TRIM65: variants seen among roughly 807,000 people sequenced by gnomAD.
TRIM65 encodes the protein tripartite motif containing 65.
Under a neutral mutation model 36.1 loss-of-function variants are expected in TRIM65, and 46 were observed. That is an observed-to-expected ratio of 1.27 (90% CI 1.01 to 1.63). The LOEUF (loss-of-function observed/expected upper bound fraction) is 1.63, where lower values mean the gene tolerates loss of function less well. Ranked by LOEUF, TRIM65 falls within the 40% of genes most tolerant of loss-of-function variation. The probability of loss-of-function intolerance (pLI) is 0.00; values close to 1 mark genes in which losing one functional copy is unlikely to be tolerated. For synonymous variants in TRIM65, 346 were observed against 313.6 expected (o/e 1.10, Z -1.09); for missense variants, 708 against 696.6 (o/e 1.02, Z -0.18).
chr17:75,892,459 G>A lies in TRIM65; in HGVS notation c.552C>T (p.Phe184=). 6.2e-7 allele frequency: 1 copy of A among 1,614,086 alleles called. No individual in the cohort carries two copies. Among genetic ancestry groups the A allele is most frequent in the Non-Finnish European group, 8.5e-7 (1 of 1,179,998 alleles). ...CILASWVSGK[F]SSLLQALEIQ... ...TTTCCAGGGCCTGTAGCAGGCTGCT[G>A]AACTTGCCGGAGACCCAGGAGGCCA... The change falls in exon 3 of 6, where the codon TTC becomes TTT. Residue 184 remains phenylalanine, a synonymous_variant. Transcript: ENST00000269383.
At position 75,892,519 on chromosome 17, in the gene TRIM65, G is replaced by A. The variant is rs1235537609; in HGVS notation, c.511-19C>T. On this transcript the variant is annotated intron_variant, in intron 2 of 5. Coordinates refer to ENST00000269383, the MANE Select transcript of TRIM65 (RefSeq NM_173547.4). ...CCGAGTTCTGGGCGGGAACAGGAGG[G>A]GCTTCAGGGTGGCCAGGGCCCTGTG... 1.2e-6 allele frequency: 2 copies of A among 1,606,940 alleles called. No individual in the cohort carries two copies. Among genetic ancestry groups the A allele is most frequent in the Non-Finnish European group, 8.5e-7 (1 of 1,175,104 alleles).
At chr17:75,885,688 T>G (rs1409520532), downstream of TRIM65, among the ~76,000 whole-genome samples, 1 of 152,234 alleles carries the variant, frequency 6.6e-6, no homozygotes, top group Non-Finnish European at 1.5e-5. Flanking sequence ...GCCCTCTGGG[T>G]GCTTCCTGAG....
Position 75,892,819 on chromosome 17 carries a change from T to A in TRIM65, c.446A>T (p.Gln149Leu), listed in dbSNP as rs150994435. 1.7e-4 allele frequency: 265 copies of A among 1,603,856 alleles called. 2 individuals are homozygous for A. The East Asian group carries it at 4.8e-3, about 29-fold the overall frequency. ...GCCTTCGGCCTGGGTGGCCTGCTGCTGGGTAACCTCCAGGCTGGCTCTCAG... is the reference window on the plus strand; with the variant it reads ...GCCTTCGGCCTGGGTGGCCTGCTGCAGGGTAACCTCCAGGCTGGCTCTCAG... ...AQLRASLEVT[Q>L]QQATQAEGQL... is the part of the protein sequence containing the mutation. The change falls in exon 2 of 6, where the codon CAG (glutamine) becomes CTG (leucine). Residue 149 changes from glutamine (Q) to leucine (L), a missense_variant. Gln to Leu is a moderately radical substitution (Grantham distance 113). Transcript: ENST00000269383.
At chr17:75,880,097 C>T (rs1028041895), downstream of TRIM65, among the ~76,000 whole-genome samples, 1 of 150,642 alleles carries the variant, frequency 6.6e-6, no homozygotes, top group Non-Finnish European at 1.5e-5. Context: ...GGTAACTGCT[C>T]ATACCACTCT....
In TRIM65 at chr17:75,890,636, G is replaced by A. The variant is rs905883167; in HGVS notation, c.*143C>T. On this transcript the variant is annotated 3_prime_UTR_variant, in exon 6 of 6. Coordinates refer to ENST00000269383, the MANE Select transcript of TRIM65 (RefSeq NM_173547.4). ...CTGCAACAGTGAACTCTGCGTTTAT[G>A]CTCACCTCCCCCAACCTCCCATCTC... 7.4e-6 allele frequency: 5 copies of A among 680,072 alleles called. No homozygotes were observed. In the African/African-American group the frequency reaches 7.4e-5, roughly 10 times the overall value. 42.1% of individuals were successfully genotyped at this position (680,072 alleles called of 1,614,324 possible).
chr17:75,885,043 TC>T (rs1480193111), downstream of TRIM65, among the ~76,000 whole-genome samples: 2 of 151,780 alleles, frequency 1.3e-5, no homozygotes, highest in African/African-American at 4.8e-5. Context: ...TTAAAGCGAT[TC>T]TTCTGCCTCA....
chr17:75,896,705 G>A lies in TRIM65; in HGVS notation c.233C>T (p.Ala78Val). The A allele has an allele frequency of 2.2e-6, 3 of 1,346,602 alleles. No homozygotes were observed. The highest frequency in any genetic ancestry group is 3.6e-5 in the South Asian group (2 of 55,064). The allele number at this position is 1,346,602 out of a possible 1,614,324, so 83.4% of individuals were successfully genotyped here. ...GVLEVVRAGPARDPGPDPGPG... is the reference protein window; with the variant it reads ...GVLEVVRAGPVRDPGPDPGPG... ...GCCGGGATCGGGGCCGGGATCCCGG[G>A]CGGGCCCGGCGCGCACCACCTCCAG... Residue 78 changes from alanine (A) to valine (V), a missense_variant, in exon 1 of 6, where the codon GCC (alanine) becomes GTC (valine). Transcript: ENST00000269383.
downstream of TRIM65, among the ~76,000 whole-genome samples, chr17:75,888,405 C>T (rs1218118441): frequency 3.3e-5 from 5 of 151,134 alleles, no homozygotes; most frequent in Non-Finnish European, 4.4e-5. Flanking sequence ...ATATAGAACA[C>T]GCTCGCAGAA....
chr17:75,886,859 C>A (rs913075730), downstream of TRIM65, among the ~76,000 whole-genome samples: 1 of 152,120 alleles, frequency 6.6e-6, no homozygotes, highest in Non-Finnish European at 1.5e-5. Flanking sequence ...CCTTTTCCCT[C>A]GATACCAGCG....
chr17:75,884,938 C>CT (rs534194648), downstream of TRIM65, among the ~76,000 whole-genome samples: 26,919 of 135,774 alleles, frequency 0.2, 2,920 homozygotes, highest in African/African-American at 0.26. Context: ...ACTTGAGTTC[C>CT]TTTTTTTTTT....
exon 5 of TRIM65, chr17:75,880,545 A>T (rs2065163027): frequency 6.6e-6 from 1 of 150,478 alleles, no homozygotes; most frequent in Non-Finnish European, 1.5e-5. Flanking sequence ...CACATCTGAA[A>T]ATACTCTATT....
downstream of TRIM65, among the ~76,000 whole-genome samples, chr17:75,887,660 A>G (rs966633279): frequency 2.0e-5 from 3 of 151,668 alleles, no homozygotes; most frequent in Non-Finnish European, 4.4e-5. Flanking sequence ...AAAAAAAAAA[A>G]AAAAGAAAAA....
At chr17:75,895,451 C>T (rs2065332259) in intron 1 of TRIM65, among the ~76,000 whole-genome samples, 1 of 152,162 alleles carries the variant, frequency 6.6e-6, no homozygotes. Context: ...CCCCAGGACC[C>T]TGCCCGATCC....
rs2065359460 is a variant in TRIM65, at chr17:75,896,915, T to C, written c.23A>G (p.Glu8Gly). The change falls in exon 1 of 6, where the codon GAG becomes GGG. Residue 8 changes from glutamate to glycine, a missense_variant. Physicochemically the swap from Glu to Gly is moderately conservative, Grantham distance 98. Transcript: ENST00000269383. ...CAGGCAGATGGCGCAGGTCAGCTTCTCCTCCAGCAGCTGCGCGGCCATGGC... is the reference window on the plus strand; with the variant it reads ...CAGGCAGATGGCGCAGGTCAGCTTCCCCTCCAGCAGCTGCGCGGCCATGGC... MAAQLLE[E>G]KLTCAICLGL... is the part of the protein sequence containing the mutation. 3 of 1,507,368 alleles carry C rather than the reference T, an allele frequency of 2.0e-6. No individual in the cohort carries two copies. Among genetic ancestry groups the C allele is most frequent in the South Asian group, 1.2e-5 (1 of 80,984 alleles). The allele number at this position is 1,507,368 out of a possible 1,614,324, so 93.4% of individuals were successfully genotyped here.
At position 75,892,865 on chromosome 17, in the gene TRIM65, C is replaced by T. The variant is rs1481224456; in HGVS notation, c.415-15G>A. The T allele has an allele frequency of 1.3e-6, 2 of 1,599,420 alleles. No homozygotes were observed. Among genetic ancestry groups the T allele is most frequent in the African/African-American group, 2.7e-5 (2 of 74,926 alleles). On this transcript the variant is annotated splice_polypyrimidine_tract_variant and intron_variant, in intron 1 of 5. Coordinates refer to ENST00000269383, the MANE Select transcript of TRIM65 (RefSeq NM_173547.4). ...CTCAGCTGGGCCTGTGGTGCGGGCC[C>T]ACGGGACAAGCAACAAGAGAAGGCC...
At chr17:75,891,384 A>G (rs1327696945) in intron 5 of TRIM65, 37 bp from the exon 6 acceptor site, 5 of 1,602,074 alleles carry the variant, frequency 3.1e-6, no homozygotes, top group East Asian at 2.2e-5. Context: ...GGCTGGGGGA[A>G]GACAGCACAA....
chr17:75,895,091 C>T (rs1448701570), intron 1 of TRIM65, among the ~76,000 whole-genome samples: 2 of 152,194 alleles, frequency 1.3e-5, no homozygotes, highest in African/African-American at 2.4e-5. Context: ...CCTCCACCTA[C>T]GCCTCTCAGG....
intron 2 of TRIM65, 93 bp from the exon 3 acceptor site, chr17:75,892,593 A>G: frequency 7.6e-7 from 1 of 1,311,874 alleles, no homozygotes; most frequent in Non-Finnish European, 1.1e-6. Flanking sequence ...GCTGAGGGTC[A>G]GGGATGTGGG....
At chr17:75,880,292 C>G (rs1292157205), downstream of TRIM65, 1 of 149,276 alleles carries the variant, frequency 6.7e-6, no homozygotes, top group Non-Finnish European at 1.5e-5. Flanking sequence ...ATATCAGTCT[C>G]TGTTGTCATT....
Sources: allele counts gnomAD v4.1 joint callset (sites outside exome capture counted in the v4.1 genomes callset), GRCh38; gene constraint gnomAD v4.1.1; transcripts MANE v1.5; gene names NCBI Gene and HGNC (gene_info 2026-07-23, HGNC 2026-07-21).